HS3ST5: variants seen among roughly 807,000 people sequenced by gnomAD.
The protein encoded by HS3ST5 is heparan sulfate glucosamine 3-O-sulfotransferase 5.
A neutral mutation model predicts 25.4 loss-of-function variants in HS3ST5; 10 were observed. That is an observed-to-expected ratio of 0.39 (90% CI 0.24 to 0.67). The LOEUF is 0.67. HS3ST5 is among the 30% of genes least tolerant of loss of function. The pLI, the probability that HS3ST5 is intolerant of heterozygous loss-of-function variation, is 0.44. For synonymous variants in HS3ST5, 170 were observed against 162.4 expected (o/e 1.05, Z -0.36); for missense variants, 324 against 420.7 (o/e 0.77, Z 2.01).
chr6:114,235,479 C>A (rs1365556877), intron 1 of HS3ST5, among the ~76,000 whole-genome samples: 1 of 151,394 alleles, frequency 6.6e-6, no homozygotes, highest in East Asian at 1.9e-4. Flanking sequence ...AGTCTGAGAA[C>A]TCCCAATACT....
chr6:114,127,654 C>T (rs1474710865), intron 3 of HS3ST5, among the ~76,000 whole-genome samples: 1 of 152,016 alleles, frequency 6.6e-6, no homozygotes, highest in Non-Finnish European at 1.5e-5. Flanking sequence ...AAGCACTATG[C>T]CTACTGAAAG....
intron 3 of HS3ST5, chr6:114,084,621 T>C (rs1488896099): frequency 1.3e-6 from 1 of 798,606 alleles, no homozygotes; most frequent in African/African-American, 1.7e-5. Context: ...AGAGCAATGC[T>C]AGGTAGGTTA....
intron 1 of HS3ST5, among the ~76,000 whole-genome samples, chr6:114,341,895 G>A (rs2114953908): frequency 6.6e-6 from 1 of 152,192 alleles, no homozygotes; most frequent in South Asian, 2.1e-4. Flanking sequence ...GCTACCCAGC[G>A]CTCTGGGAGA....
chr6:114,084,133 T>C (rs1774632204), intron 3 of HS3ST5: 7 of 679,400 alleles, frequency 1.0e-5, no homozygotes, highest in East Asian at 5.3e-5. Context: ...ATCAACCTTA[T>C]TGCCATGTTG....
chr6:114,141,266 C>T (rs1025094746), intron 3 of HS3ST5, among the ~76,000 whole-genome samples: 1 of 152,176 alleles, frequency 6.6e-6, no homozygotes, highest in African/African-American at 2.4e-5. Flanking sequence ...ACAGCATTGC[C>T]ATGGATGGCT....
chr6:114,299,404 T>A (rs1305025845), intron 1 of HS3ST5, among the ~76,000 whole-genome samples: 1 of 152,200 alleles, frequency 6.6e-6, no homozygotes, highest in Non-Finnish European at 1.5e-5. Flanking sequence ...TGCCTCCATT[T>A]GCCTTGTGAT....
rs577087844 is a variant in HS3ST5, at chr6:114,156,149, C to A, written c.-33+12202G>T. 3.8e-4 allele frequency among the ~76,000 whole-genome samples: 58 copies of A among 152,196 alleles called. 1 individual carries two copies. The South Asian group carries it at 0.011, about 28-fold the overall frequency. ...GAGTTTGACTCTGTACACGCAAGGACAGGACCTTTCCTTCCATGTGGAATC... is the reference window on the plus strand; with the variant it reads ...GAGTTTGACTCTGTACACGCAAGGAAAGGACCTTTCCTTCCATGTGGAATC... On this transcript the variant is annotated intron_variant, in intron 3 of 4. Transcript: ENST00000312719.
chr6:114,250,413 CT>C (rs1772600998), intron 1 of HS3ST5, among the ~76,000 whole-genome samples: 1 of 152,084 alleles, frequency 6.6e-6, no homozygotes, highest in African/African-American at 2.4e-5. Flanking sequence ...AACCCCGTCT[CT>C]ACTAAAAATA....
intron 1 of HS3ST5, among the ~76,000 whole-genome samples, chr6:114,283,985 T>C (rs552968375): frequency 2.6e-5 from 4 of 152,118 alleles, no homozygotes; most frequent in South Asian, 2.1e-4. Context: ...AGACAGAGTT[T>C]ATCTCCATTC....
At chr6:114,168,091 T>TA (rs1433726063) in intron 3 of HS3ST5, among the ~76,000 whole-genome samples, 3 of 151,862 alleles carry the variant, frequency 2.0e-5, no homozygotes, top group South Asian at 2.1e-4. Context: ...AGAAAATCAA[T>TA]AAAAAAAATT....
At chr6:114,317,500 G>A (rs938687053) in intron 1 of HS3ST5, among the ~76,000 whole-genome samples, 3 of 151,988 alleles carry the variant, frequency 2.0e-5, no homozygotes, top group African/African-American at 7.3e-5. Flanking sequence ...TTTCTTCTGG[G>A]TTTGGAGCCA....
In HS3ST5 at chr6:114,155,863, C is replaced by T. The variant is rs553648630; in HGVS notation, c.-33+12488G>A. Among the ~76,000 whole-genome samples the T allele has an allele frequency of 3.8e-4, 58 of 152,246 alleles. 1 individual carries two copies. In the South Asian group the frequency reaches 0.011, roughly 28 times the overall value. The stretch of plus-strand genomic sequence containing the variant: ...GTGCTTTCACATAGAGTTCCTACAA[C>T]CCCCTAAACTAATTTGCTAGGCTTC... On this transcript the variant is annotated intron_variant, in intron 3 of 4. Coordinates refer to ENST00000312719, the MANE Select transcript of HS3ST5 (RefSeq NM_153612.4).
chr6:114,248,958 C>G (rs927522759), intron 1 of HS3ST5, among the ~76,000 whole-genome samples: 1 of 152,066 alleles, frequency 6.6e-6, no homozygotes, highest in Non-Finnish European at 1.5e-5. Context: ...TTGTTTATAC[C>G]AACTATCTAT....
At chr6:114,270,130 A>G (rs1773577048) in intron 1 of HS3ST5, among the ~76,000 whole-genome samples, 1 of 152,208 alleles carries the variant, frequency 6.6e-6, no homozygotes, top group Admixed American at 6.5e-5. Context: ...AAAAGTTGAT[A>G]TGATGCTGAG....
intron 3 of HS3ST5, among the ~76,000 whole-genome samples, chr6:114,158,446 T>G (rs1376718528): frequency 6.6e-6 from 1 of 152,138 alleles, no homozygotes; most frequent in Non-Finnish European, 1.5e-5. Context: ...ACGGGTAGAC[T>G]TTATTTATTA....
chr6:114,141,669 C>T (rs1451944298), intron 3 of HS3ST5, among the ~76,000 whole-genome samples: 1 of 152,064 alleles, frequency 6.6e-6, no homozygotes, highest in Non-Finnish European at 1.5e-5. Context: ...ACAATATGTA[C>T]AATACCAAAT....
rs144312259 is a variant in HS3ST5, at chr6:114,251,109, T to C, written c.-338-22331A>G. Reference sequence around the variant, plus strand: ...ATTAAATTAGCATGGGAAAAGCCAATACAGAAATAGGGGTAAATTCTTGAA... The same window carrying C: ...ATTAAATTAGCATGGGAAAAGCCAACACAGAAATAGGGGTAAATTCTTGAA... On this transcript the variant is annotated intron_variant, in intron 1 of 4. Coordinates refer to ENST00000312719, the MANE Select transcript of HS3ST5 (RefSeq NM_153612.4). Among the ~76,000 whole-genome samples the C allele has an allele frequency of 4.6e-5, 7 of 152,228 alleles. No individual in the cohort carries two copies. In the East Asian group the frequency reaches 1.3e-3, roughly 29 times the overall value.
chr6:114,105,373 T>C (rs1050366114), intron 3 of HS3ST5, among the ~76,000 whole-genome samples: 18 of 152,192 alleles, frequency 1.2e-4, no homozygotes, highest in African/African-American at 4.3e-4. Flanking sequence ...AGTGGGATTT[T>C]TGACCTCTTA....
intron 3 of HS3ST5, among the ~76,000 whole-genome samples, chr6:114,161,352 A>G (rs1778936123): frequency 6.6e-6 from 1 of 150,460 alleles, no homozygotes; most frequent in South Asian, 2.1e-4. Flanking sequence ...CTTTTATATC[A>G]AAGCTGGGGA....
Sources: allele counts gnomAD v4.1 joint callset (sites outside exome capture counted in the v4.1 genomes callset), GRCh38; gene constraint gnomAD v4.1.1; transcripts MANE v1.5; gene names NCBI Gene and HGNC (gene_info 2026-07-23, HGNC 2026-07-21).